DCC: variants seen among roughly 807,000 people sequenced by gnomAD.
DCC encodes the protein DCC netrin 1 receptor.
Under a neutral mutation model 172.5 loss-of-function variants are expected in DCC, and 58 were observed. That is an observed-to-expected ratio of 0.34 (90% confidence interval 0.27 to 0.42). DCC has a LOEUF of 0.42. DCC is among the 10% of genes least tolerant of loss of function. The pLI, the probability that DCC is intolerant of heterozygous loss-of-function variation, is 1.00. For synonymous variants in DCC, 709 were observed against 644.5 expected (o/e 1.10, Z -1.52); for missense variants, 1,740 against 1,791.0 (o/e 0.97, Z 0.51).
At chr18:52,989,873 G>T (rs1432853103) in intron 5 of DCC, among the ~76,000 whole-genome samples, 2 of 152,116 alleles carry the variant, frequency 1.3e-5, no homozygotes, top group Admixed American at 1.3e-4. Context: ...TGGGGGCTAT[G>T]GCTACAGCTC....
chr18:52,744,130 CAAAT>C (rs144937881), intron 1 of DCC, among the ~76,000 whole-genome samples: 3,546 of 152,156 alleles, frequency 0.023, 127 homozygotes, highest in African/African-American at 0.08. Flanking sequence ...GAGTAAATAA[CAAAT>C]AATATTTTAG....
At position 52,772,170 on chromosome 18, in the gene DCC, CACTT is replaced by C. The variant is rs144933727; in HGVS notation, c.412+19798_412+19801del. 2.1e-3 allele frequency among the ~76,000 whole-genome samples: 317 copies of C among 152,252 alleles called. No individual in the cohort carries two copies. The East Asian group carries it at 0.021, about 10-fold the overall frequency. On this transcript the variant is annotated intron_variant, in intron 2 of 28. Transcript: ENST00000442544. ...TATTAGAAGTTATTGTCATGACAAACACTTAGGTAAATGGCGATTTTGTCAATTT... is the reference window on the plus strand; with the variant it reads ...TATTAGAAGTTATTGTCATGACAAACAGGTAAATGGCGATTTTGTCAATTT...
intron 1 of DCC, among the ~76,000 whole-genome samples, chr18:52,722,275 T>TTGTTCC (rs2036484313): frequency 6.6e-6 from 1 of 152,186 alleles, no homozygotes; most frequent in Non-Finnish European, 1.5e-5. Flanking sequence ...CATGCTTATA[T>TTGTTCC]TGTTCCTTTT....
chr18:52,682,857 T>C (rs1278853960), intron 1 of DCC, among the ~76,000 whole-genome samples: 1 of 152,132 alleles, frequency 6.6e-6, no homozygotes, highest in Non-Finnish European at 1.5e-5. Context: ...GGTTTTAGCC[T>C]TTCTTCCTAA....
intron 3 of DCC, among the ~76,000 whole-genome samples, chr18:52,906,553 A>C (rs2039885690): frequency 4.1e-5 from 6 of 145,446 alleles, no homozygotes; most frequent in Admixed American, 3.4e-4. Context: ...AAAAACAGTT[A>C]TCTCTCCTTT....
chr18:52,989,719 T>C (rs1466032668), intron 5 of DCC, among the ~76,000 whole-genome samples: 3 of 152,182 alleles, frequency 2.0e-5, no homozygotes, highest in Non-Finnish European at 4.4e-5. Flanking sequence ...AGGTTTCTTT[T>C]ACAGGAATGG....
intron 6 of DCC, among the ~76,000 whole-genome samples, chr18:53,064,304 T>C (rs992560832): frequency 3.9e-5 from 6 of 152,118 alleles, no homozygotes; most frequent in African/African-American, 1.4e-4. Context: ...AGGTTAGCAT[T>C]GGAGGTTCTG....
At chr18:52,908,214 A>T (rs1264596271) in intron 3 of DCC, among the ~76,000 whole-genome samples, 3 of 152,194 alleles carry the variant, frequency 2.0e-5, no homozygotes, top group African/African-American at 7.2e-5. Context: ...TGGCAATTCA[A>T]TTGAAAGTTT....
At chr18:52,844,177 C>A (rs1198995280) in intron 2 of DCC, among the ~76,000 whole-genome samples, 1 of 152,130 alleles carries the variant, frequency 6.6e-6, no homozygotes, top group Non-Finnish European at 1.5e-5. Context: ...TAGGACTGGT[C>A]AGATAACATC....
intron 2 of DCC, among the ~76,000 whole-genome samples, chr18:52,834,156 T>A (rs570123597): frequency 6.6e-6 from 1 of 152,308 alleles, no homozygotes; most frequent in Admixed American, 6.5e-5. Flanking sequence ...AATATTAGCC[T>A]CATGCCTTCT....
chr18:53,161,531 T>C (rs944547691), intron 8 of DCC, among the ~76,000 whole-genome samples: 57 of 152,208 alleles, frequency 3.7e-4, no homozygotes, highest in Admixed American at 3.5e-3. Flanking sequence ...TCCAAATTTG[T>C]ATCTCTGGTC....
intron 2 of DCC, among the ~76,000 whole-genome samples, chr18:52,895,688 A>AT (rs1003539878): frequency 6.6e-6 from 1 of 152,106 alleles, no homozygotes; most frequent in African/African-American, 2.4e-5. Context: ...CCCATTTTAT[A>AT]TTTTTTACTA....
At position 52,340,372 on chromosome 18, in the gene DCC, C is replaced by T. The variant is rs1983568909; in HGVS notation, c.-416C>T. ...ACCGACGACAAGGAACCAGCCTCAA[C>T]CTTTTAATGCACAGCCCGGCCACAG... On this transcript the variant is annotated 5_prime_UTR_variant, in exon 1 of 29. Coordinates refer to ENST00000442544, the MANE Select transcript of DCC (RefSeq NM_005215.4). 4.2e-6 allele frequency: 1 copy of T among 236,264 alleles called. No individual in the cohort carries two copies. The highest frequency in any genetic ancestry group is 2.2e-5 in the African/African-American group (1 of 44,978). The allele number at this position is 236,264 out of a possible 1,614,324, so 14.6% of individuals were successfully genotyped here. A position where few individuals can be genotyped will look rare whatever the true frequency, so the allele number is the denominator to read the frequency against.
At chr18:52,953,000 CAAAAAAAAAA>C (rs11315976) in intron 5 of DCC, among the ~76,000 whole-genome samples, 14 of 52,218 alleles carry the variant, frequency 2.7e-4, no homozygotes, top group South Asian at 1.1e-3. Flanking sequence ...TCTCCTGTCT[CAAAAAAAAAA>C]AAAAAAAAAA....
At chr18:53,416,525 A>T in intron 21 of DCC, 1 of 343,248 alleles carries the variant, frequency 2.9e-6, no homozygotes, top group East Asian at 6.5e-5. Context: ...CTATGGATTA[A>T]AGTTCTGTAG....
At chr18:53,439,392 G>GT (rs1461090595) in intron 22 of DCC, among the ~76,000 whole-genome samples, 2 of 152,144 alleles carry the variant, frequency 1.3e-5, no homozygotes, top group Admixed American at 1.3e-4. Flanking sequence ...TAATGTCTGA[G>GT]TTTTTAAACC....
At chr18:52,747,479 T>G (rs1568078875) in intron 1 of DCC, among the ~76,000 whole-genome samples, 1 of 152,246 alleles carries the variant, frequency 6.6e-6, no homozygotes, top group Non-Finnish European at 1.5e-5. Flanking sequence ...AGTTTAGTTT[T>G]GATTCTCAAA....
At position 53,535,093 on chromosome 18, in the gene DCC, T is replaced by G. The variant is rs2046560774; in HGVS notation, c.*4440T>G. The G allele has an allele frequency of 6.6e-6, 1 of 151,820 alleles. No homozygotes were observed. Among genetic ancestry groups the G allele is most frequent in the Non-Finnish European group, 1.5e-5 (1 of 67,954 alleles). The allele number at this position is 151,820 out of a possible 1,614,324, so 9.4% of individuals were successfully genotyped here. A position where few individuals can be genotyped will look rare whatever the true frequency, so the allele number is the denominator to read the frequency against. On this transcript the variant is annotated 3_prime_UTR_variant, in exon 29 of 29. Transcript: ENST00000442544. ...TGGAGAGGAGGAGAAATGCTGTTTT[T>G]TATTATTGTAGGGTAAATCTGACAA...
chr18:53,501,930 ATC>A (rs1568172226), intron 27 of DCC, among the ~76,000 whole-genome samples: 3 of 152,210 alleles, frequency 2.0e-5, no homozygotes, highest in African/African-American at 7.2e-5. Context: ...CTAAAACAAA[ATC>A]TGATACAATG....
Sources: gnomAD v4.1 joint callset for allele counts (sites outside exome capture counted in the v4.1 genomes callset) on GRCh38, gnomAD v4.1.1 for gene constraint, MANE v1.5 for transcripts, NCBI Gene and HGNC (gene_info 2026-07-23, HGNC 2026-07-21) for gene names.